Variants in SATB1 observed in about 807,000 individuals in gnomAD.
SATB1 encodes the protein SATB homeobox 1.
A neutral mutation model predicts 86.9 loss-of-function variants in SATB1; 11 were observed. The observed-to-expected ratio is 0.13, with a 90% CI of 0.08 to 0.21. The LOEUF (loss-of-function observed/expected upper bound fraction) is 0.21, where lower values mean the gene tolerates loss of function less well. SATB1 is among the 10% of genes least tolerant of loss of function. The probability of loss-of-function intolerance (pLI) is 1.00; values close to 1 mark genes in which losing one functional copy is unlikely to be tolerated. For missense variants in SATB1, 551 were observed against 937.6 expected (o/e 0.59, Z 5.39); for synonymous variants, 357 against 357.2 (o/e 1.00, Z 0.01).
At chr3:18,383,141 G>T (rs968559020) in intron 8 of SATB1, among the ~76,000 whole-genome samples, 1 of 152,200 alleles carries the variant, frequency 6.6e-6, no homozygotes. Context: ...CCCAGGCAGA[G>T]GATGAAGCAC....
At chr3:18,379,286 A>G (rs898431002) in intron 8 of SATB1, among the ~76,000 whole-genome samples, 5 of 152,224 alleles carry the variant, frequency 3.3e-5, no homozygotes, top group African/African-American at 1.2e-4. Context: ...ACACAGTAGT[A>G]TGAACTAGCC....
Position 18,349,817 on chromosome 3 carries a change from G to A in SATB1, c.1780-135C>T, listed in dbSNP as rs1202135669. Reference sequence around the variant, plus strand: ...TAGGGATGAAGATTTAGAAAGAAAAGGTAGGCCGGCGAAATGGCCGACAGC... The same window carrying A: ...TAGGGATGAAGATTTAGAAAGAAAAAGTAGGCCGGCGAAATGGCCGACAGC... On this transcript the variant is annotated intron_variant, in intron 10 of 10. Transcript: ENST00000338745. This position sits in a 1 kb window ranked among gnomAD's most constrained non-coding sequence, Gnocchi z 5.5. 2.1e-6 allele frequency: 3 copies of A among 1,406,636 alleles called. No individual in the cohort carries two copies. Among genetic ancestry groups the A allele is most frequent in the Non-Finnish European group, 2.8e-6 (3 of 1,076,892 alleles). The allele number at this position is 1,406,636 out of a possible 1,614,324, so 87.1% of individuals were successfully genotyped here.
chr3:18,420,211 A>T (rs1698313175), intron 2 of SATB1, among the ~76,000 whole-genome samples: 1 of 152,202 alleles, frequency 6.6e-6, no homozygotes, highest in African/African-American at 2.4e-5. Flanking sequence ...TTCTTTCTTC[A>T]TCAAAAATAC....
chr3:18,444,908 C>CGG lies in SATB1; in HGVS notation c.-25+608_-25+609dup, dbSNP rs1236522070. Reference sequence around the variant, plus strand: ...GGGGGAGGGAGGAGATGTTAACGGGCGGGGGGGGGAGAAGGGGGAGGGGGC... The same window carrying CGG: ...GGGGGAGGGAGGAGATGTTAACGGGCGGGGGGGGGGGAGAAGGGGGAGGGGGC... On this transcript the variant is annotated intron_variant, in intron 1 of 3. Coordinates refer to the SATB1 transcript ENST00000415069. The surrounding 1 kb of genome is among the most constrained non-coding windows in gnomAD (Gnocchi z 5.1). The CGG allele has an allele frequency of 1.0e-3, 23 of 23,078 alleles. No individual in the cohort carries two copies. Among genetic ancestry groups the CGG allele is most frequent in the East Asian group, 2.4e-3 (1 of 410 alleles). The allele number at this position is 23,078 out of a possible 1,614,324, so 1.4% of individuals were successfully genotyped here.
chr3:18,350,822 AC>A (rs1393861218), intron 10 of SATB1: 1 of 156,210 alleles, frequency 6.4e-6, no homozygotes, highest in Non-Finnish European at 1.4e-5. Context: ...TAACTTTATT[AC>A]TGTTTTTAGT....
In SATB1 at chr3:18,348,480, A is replaced by C. The variant is rs1350171416; in HGVS notation, c.*690T>G. ...CTTCCAAAAAATTAATTACAACATG[A>C]TGCTGCAGGATCTACAAATAAATAA... On this transcript the variant is annotated 3_prime_UTR_variant, in exon 11 of 11. Coordinates refer to ENST00000338745, the MANE Select transcript of SATB1 (RefSeq NM_002971.6). 1 of 152,632 alleles carries C rather than the reference A, an allele frequency of 6.6e-6. No homozygotes were observed. Among genetic ancestry groups the C allele is most frequent in the Non-Finnish European group, 1.5e-5 (1 of 68,028 alleles). The allele number at this position is 152,632 out of a possible 1,614,324, so 9.5% of individuals were successfully genotyped here.
chr3:18,388,079 GA>G (rs954205403), intron 7 of SATB1, among the ~76,000 whole-genome samples: 4 of 152,130 alleles, frequency 2.6e-5, no homozygotes, highest in Non-Finnish European at 5.9e-5. Flanking sequence ...CTAAAGCCTG[GA>G]AATTGGACCT....
chr3:18,400,712 C>G (rs1697216512), intron 5 of SATB1, among the ~76,000 whole-genome samples: 1 of 152,142 alleles, frequency 6.6e-6, no homozygotes, highest in South Asian at 2.1e-4. Flanking sequence ...CAATCCTTTG[C>G]CTCCTCCTCA....
Position 18,433,019 on chromosome 3 carries a change from C to G in SATB1, c.-25+3770G>C, listed in dbSNP as rs1196384036. On this transcript the variant is annotated intron_variant, in intron 2 of 3. Coordinates refer to the SATB1 transcript ENST00000414509. Reference sequence around the variant, plus strand: ...CACAATTAATATGATGAATACCTGACCCAAGGATAATTAACATGGATTGGT... The same window carrying G: ...CACAATTAATATGATGAATACCTGAGCCAAGGATAATTAACATGGATTGGT... Among the ~76,000 whole-genome samples the G allele has an allele frequency of 1.3e-5, 2 of 152,068 alleles. 1 individual carries two copies. Among genetic ancestry groups the G allele is most frequent in the South Asian group, 4.1e-4 (2 of 4,826 alleles).
At chr3:18,438,303 A>G (rs1267842105) in intron 1 of SATB1, among the ~76,000 whole-genome samples, 1 of 152,118 alleles carries the variant, frequency 6.6e-6, no homozygotes, top group African/African-American at 2.4e-5. Context: ...GCCCCCTCAC[A>G]CAGATTACTG....
chr3:18,405,023 T>G (rs1697451835), intron 5 of SATB1, among the ~76,000 whole-genome samples: 1 of 152,016 alleles, frequency 6.6e-6, no homozygotes, highest in Non-Finnish European at 1.5e-5. Context: ...TAACGCACAT[T>G]ATTCATTCTC....
chr3:18,412,300 T>A (rs1401898285), intron 5 of SATB1, among the ~76,000 whole-genome samples: 1 of 152,074 alleles, frequency 6.6e-6, no homozygotes, highest in Non-Finnish European at 1.5e-5. Context: ...TTAGCAAGTA[T>A]TAGACAATCG....
At chr3:18,445,431 C>T in intron 1 of SATB1, 1 of 985,304 alleles carries the variant, frequency 1.0e-6, no homozygotes, top group African/African-American at 1.7e-5. Context: ...ACAGGACCCT[C>T]AGCCTCGAGG....
chr3:18,372,246 C>G (rs1395347549), intron 9 of SATB1, among the ~76,000 whole-genome samples: 1 of 152,178 alleles, frequency 6.6e-6, no homozygotes, highest in Non-Finnish European at 1.5e-5. Context: ...GCTCAATATT[C>G]ACAAATTAAT....
chr3:18,421,267 T>C (rs771979254), intron 1 of SATB1: 4 of 250,290 alleles, frequency 1.6e-5, no homozygotes, highest in Non-Finnish European at 2.3e-5. Flanking sequence ...AAAATGGGCT[T>C]ACTTTTAGAA....
At chr3:18,383,137 C>G (rs529403254) in intron 8 of SATB1, among the ~76,000 whole-genome samples, 1 of 152,166 alleles carries the variant, frequency 6.6e-6, no homozygotes, top group Non-Finnish European at 1.5e-5. Context: ...ATAGCCCAGG[C>G]AGAGGATGAA....
At chr3:18,433,592 C>T (rs1057268248) in intron 2 of SATB1, among the ~76,000 whole-genome samples, 2 of 151,944 alleles carry the variant, frequency 1.3e-5, no homozygotes, top group African/African-American at 4.8e-5. Flanking sequence ...TTTGGAAATT[C>T]ATGTATAAAT....
intron 5 of SATB1, among the ~76,000 whole-genome samples, chr3:18,402,852 G>A (rs1697342518): frequency 6.6e-6 from 1 of 152,022 alleles, no homozygotes; most frequent in South Asian, 2.1e-4. Flanking sequence ...CAGCAGAGAG[G>A]GCAAGGGCTA....
intron 9 of SATB1, among the ~76,000 whole-genome samples, chr3:18,364,125 A>T (rs1695061172): frequency 6.6e-6 from 1 of 152,196 alleles, no homozygotes; most frequent in African/African-American, 2.4e-5. Flanking sequence ...GTGATAAAAT[A>T]CATATATATT....
Sources: gnomAD v4.1 joint callset for allele counts (sites outside exome capture counted in the v4.1 genomes callset) on GRCh38, gnomAD v4.1.1 for gene constraint, Gnocchi (gnomAD v3.1) non-coding constraint, MANE v1.5 for transcripts, NCBI Gene and HGNC (gene_info 2026-07-23, HGNC 2026-07-21) for gene names.